NOL4: variants seen among roughly 807,000 people sequenced by gnomAD.
NOL4 encodes cancer/testis antigen 125.
Under a neutral mutation model 75.9 loss-of-function variants are expected in NOL4, and 17 were observed. The observed-to-expected ratio is 0.22, with a 90% confidence interval of 0.15 to 0.34. NOL4 has a LOEUF of 0.34. NOL4 is among the 10% of genes least tolerant of loss of function. The pLI is 1.00. For missense variants in NOL4, 614 were observed against 793.5 expected, an observed-to-expected ratio of 0.77 and a Z score of 2.72; for synonymous variants, 292 against 289.9, an observed-to-expected ratio of 1.01 and a Z score of -0.07.
intron 9 of NOL4, among the ~76,000 whole-genome samples, chr18:33,909,846 T>A (rs180720767): frequency 0.017 from 2,621 of 150,380 alleles, 35 homozygotes; most frequent in Middle Eastern, 0.054. Flanking sequence ...AAAAAAAAAA[T>A]TATTTCATGC....
intron 9 of NOL4, among the ~76,000 whole-genome samples, chr18:33,921,635 C>T (rs1050146764): frequency 3.3e-5 from 5 of 152,164 alleles, no homozygotes; most frequent in African/African-American, 1.2e-4. Context: ...GTCTGGGCTA[C>T]TAGAAGCAGC....
intron 1 of NOL4, among the ~76,000 whole-genome samples, chr18:34,171,306 C>T (rs1311842448): frequency 1.3e-5 from 2 of 152,050 alleles, no homozygotes; most frequent in Admixed American, 6.6e-5. Flanking sequence ...TTGTTGTTTT[C>T]ATCAAAGGCT....
At chr18:34,023,677 G>T (rs1384497695) in intron 5 of NOL4, 9 of 288,900 alleles carry the variant, frequency 3.1e-5, no homozygotes, top group African/African-American at 1.9e-4. Context: ...AATGTGGAAT[G>T]TGATGACAAG....
At chr18:33,897,651 T>C (rs1235026832) in intron 9 of NOL4, among the ~76,000 whole-genome samples, 1 of 152,016 alleles carries the variant, frequency 6.6e-6, no homozygotes, top group Non-Finnish European at 1.5e-5. Flanking sequence ...AAGATAACTA[T>C]TGGGTACTGG....
chr18:34,119,964 C>A (rs35075461), intron 2 of NOL4, among the ~76,000 whole-genome samples: 28,965 of 152,090 alleles, frequency 0.19, 2,938 homozygotes, highest in Middle Eastern at 0.24. Context: ...AAATATAAGA[C>A]ACCTAGTTCA....
intron 5 of NOL4, among the ~76,000 whole-genome samples, chr18:34,041,512 G>GA (rs11454269): frequency 0.38 from 55,921 of 146,696 alleles, 10,682 homozygotes; most frequent in East Asian, 0.51. Context: ...TAGCTAAAAT[G>GA]AAAAAAAAAA....
intron 5 of NOL4, among the ~76,000 whole-genome samples, chr18:34,024,788 C>T (rs1310149477): frequency 6.6e-6 from 1 of 152,102 alleles, no homozygotes; most frequent in Non-Finnish European, 1.5e-5. Flanking sequence ...ACTTTAATTG[C>T]TTTGGAATTT....
At chr18:34,104,728 A>ATTT (rs1338415642) in intron 3 of NOL4, among the ~76,000 whole-genome samples, 1 of 152,082 alleles carries the variant, frequency 6.6e-6, no homozygotes, top group Non-Finnish European at 1.5e-5. Context: ...GAATTGGTAG[A>ATTT]TTTAAAAAGA....
intron 6 of NOL4, among the ~76,000 whole-genome samples, chr18:34,011,204 T>A (rs2074351718): frequency 6.6e-6 from 1 of 151,750 alleles, no homozygotes; most frequent in South Asian, 2.1e-4. Context: ...ATATACCTTA[T>A]GAATATGTAT....
chr18:34,087,299 T>C (rs1159435454), intron 5 of NOL4, among the ~76,000 whole-genome samples: 1 of 152,112 alleles, frequency 6.6e-6, no homozygotes, highest in Non-Finnish European at 1.5e-5. Context: ...TATCTGTTAA[T>C]GTACTTATTT....
At chr18:34,009,398 T>G (rs191866418) in intron 6 of NOL4, among the ~76,000 whole-genome samples, 243 of 152,064 alleles carry the variant, frequency 1.6e-3, no homozygotes, top group African/African-American at 5.5e-3. Flanking sequence ...AGTAAGAATT[T>G]TTTAGGCTAT....
intron 10 of NOL4, among the ~76,000 whole-genome samples, chr18:33,868,987 T>C (rs1405356558): frequency 6.6e-6 from 1 of 152,020 alleles, no homozygotes; most frequent in Non-Finnish European, 1.5e-5. Context: ...TTTGTCTCAC[T>C]GTTTTAAAGT....
At chr18:33,990,068 A>G (rs1228254369) in intron 6 of NOL4, among the ~76,000 whole-genome samples, 1 of 152,084 alleles carries the variant, frequency 6.6e-6, no homozygotes, top group Non-Finnish European at 1.5e-5. Flanking sequence ...CTAGGGAGGG[A>G]AGATAATCAA....
At chr18:33,928,431 G>A (rs2067476347) in intron 9 of NOL4, among the ~76,000 whole-genome samples, 1 of 152,114 alleles carries the variant, frequency 6.6e-6, no homozygotes, top group Non-Finnish European at 1.5e-5. Context: ...AGTAGAATGA[G>A]TAATGGAAAG....
intron 9 of NOL4, among the ~76,000 whole-genome samples, chr18:33,887,573 C>T (rs1245946537): frequency 6.6e-6 from 1 of 151,802 alleles, no homozygotes; most frequent in Non-Finnish European, 1.5e-5. Context: ...CTCCCCCAGC[C>T]CCCACCCCCT....
chr18:33,930,242 A>C (rs989478117), intron 9 of NOL4, among the ~76,000 whole-genome samples: 3 of 152,074 alleles, frequency 2.0e-5, no homozygotes, highest in Admixed American at 6.6e-5. Context: ...ATGTTTATAA[A>C]ATTTCTATGT....
chr18:33,876,550 T>G (rs1429064472), intron 10 of NOL4, among the ~76,000 whole-genome samples: 1 of 152,134 alleles, frequency 6.6e-6, no homozygotes, highest in Non-Finnish European at 1.5e-5. Context: ...TCTTCTGTTA[T>G]GTCCTTTTTA....
intron 6 of NOL4, among the ~76,000 whole-genome samples, chr18:34,000,016 G>A (rs551094496): frequency 6.6e-6 from 1 of 152,204 alleles, no homozygotes; most frequent in Non-Finnish European, 1.5e-5. Flanking sequence ...AGGATAGGAA[G>A]CCACTAGCAA....
chr18:34,223,406 G>T lies in NOL4; in HGVS notation c.-153C>A. 9.6e-7 allele frequency: 1 copy of T among 1,041,866 alleles called. No individual in the cohort carries two copies. The highest frequency in any genetic ancestry group is 1.4e-6 in the Non-Finnish European group (1 of 733,948). The allele number at this position is 1,041,866 out of a possible 1,614,324, so 64.5% of individuals were successfully genotyped here. The stretch of plus-strand genomic sequence containing the variant: ...CTTTGGGTGGGGGAAGGGATGGGAA[G>T]AGGGGAGGAGGGTCCGGTTGGGCAC... On this transcript the variant is annotated 5_prime_UTR_variant, in exon 1 of 11. Transcript: ENST00000261592.
Sources: gnomAD v4.1 joint callset for allele counts (sites outside exome capture counted in the v4.1 genomes callset) on GRCh38, gnomAD v4.1.1 for gene constraint, MANE v1.5 for transcripts, NCBI Gene and HGNC (gene_info 2026-07-23, HGNC 2026-07-21) for gene names.